Variants in TPMT observed in about 807,000 individuals in gnomAD.
TPMT encodes thiopurine S-methyltransferase, also known as S-adenosyl-L-methionine:thiopurine S-methyltransferase.
Under a neutral mutation model 34.2 loss-of-function variants are expected in TPMT, and 18 were observed. The observed-to-expected ratio is 0.53, with a 90% CI of 0.36 to 0.78. The LOEUF is 0.78. Ranked by LOEUF, TPMT falls within the 30% of genes least tolerant of loss-of-function variation. The pLI, the probability that TPMT is intolerant of heterozygous loss-of-function variation, is 0.00. For synonymous variants in TPMT, 69 were observed against 92.4 expected (o/e 0.75, Z 1.45); for missense variants, 265 against 288.1 (o/e 0.92, Z 0.58).
At chr6:18,152,181 G>T (rs964966250) in intron 1 of TPMT, among the ~76,000 whole-genome samples, 13 of 152,124 alleles carry the variant, frequency 8.5e-5, no homozygotes, top group Non-Finnish European at 1.8e-4. Context: ...CTGAGCATTT[G>T]GGGATTCTGT....
rs1427982310 is a variant in TPMT, at chr6:18,128,538, G to C, written c.*2130C>G. The C allele has an allele frequency of 6.6e-6, 1 of 152,116 alleles. No individual in the cohort carries two copies. The highest frequency in any genetic ancestry group is 1.5e-5 in the Non-Finnish European group (1 of 68,040). 9.4% of individuals were successfully genotyped at this position (152,116 alleles called of 1,614,324 possible). A position where few individuals can be genotyped will look rare whatever the true frequency, so the allele number is the denominator to read the frequency against. On this transcript the variant is annotated 3_prime_UTR_variant, in exon 9 of 9. Coordinates refer to ENST00000309983, the MANE Select transcript of TPMT (RefSeq NM_000367.5). The surrounding 1 kb of genome is among the most constrained non-coding windows in gnomAD (Gnocchi z 4.6). Reference sequence around the variant, plus strand: ...AGGGTGTTTCTCCCCACCCTGGGCAGCTGGGCTTCAGGGAGGATGAAAATG... The same window carrying C: ...AGGGTGTTTCTCCCCACCCTGGGCACCTGGGCTTCAGGGAGGATGAAAATG...
At chr6:18,133,914 T>C (rs759894367) in intron 6 of TPMT, 25 bp from the exon 7 acceptor site, 10 of 1,600,240 alleles carry the variant, frequency 6.2e-6, no homozygotes, top group Non-Finnish European at 6.9e-6. Flanking sequence ...AGAAGGTATT[T>C]GTTACATTTC....
At position 18,128,575 on chromosome 6, in the gene TPMT, C is replaced by T. The variant is rs1783869898; in HGVS notation, c.*2093G>A. 6.6e-6 allele frequency: 1 copy of T among 152,286 alleles called. No individual in the cohort carries two copies. Among genetic ancestry groups the T allele is most frequent in the Admixed American group, 6.5e-5 (1 of 15,276 alleles). The allele number at this position is 152,286 out of a possible 1,614,324, so 9.4% of individuals were successfully genotyped here. The stretch of plus-strand genomic sequence containing the variant: ...GGAGGATGAAAATGGACCCAGGACG[C>T]AGGTGGCCTCTCTTTGGTTCTCATC... On this transcript the variant is annotated 3_prime_UTR_variant, in exon 9 of 9. Coordinates refer to ENST00000309983, the MANE Select transcript of TPMT (RefSeq NM_000367.5). The surrounding 1 kb of genome is among the most constrained non-coding windows in gnomAD (Gnocchi z 4.6).
At position 18,130,366 on chromosome 6, in the gene TPMT, A is replaced by ATT; in HGVS notation, c.*300_*301dup. 3.7e-6 allele frequency: 1 copy of ATT among 269,076 alleles called. No homozygotes were observed. The allele number at this position is 269,076 out of a possible 1,614,324, so 16.7% of individuals were successfully genotyped here. ...CATTGCATTTTGAAATATTTTTTTA[A>ATT]TTGTACAGGTAACACATGCTGATTG... On this transcript the variant is annotated 3_prime_UTR_variant, in exon 9 of 9. Transcript: ENST00000309983. The surrounding 1 kb of genome is among the most constrained non-coding windows in gnomAD (Gnocchi z 4.2).
Position 18,130,609 on chromosome 6 carries a change from G to T in TPMT, c.*59C>A. The T allele has an allele frequency of 1.8e-6, 2 of 1,124,638 alleles. No homozygotes were observed. The highest frequency in any genetic ancestry group is 2.7e-6 in the Non-Finnish European group (2 of 740,388). The allele number at this position is 1,124,638 out of a possible 1,614,324, so 69.7% of individuals were successfully genotyped here. A position where few individuals can be genotyped will look rare whatever the true frequency, so the allele number is the denominator to read the frequency against. ...TCATCCATTACATTTTCAGGCTTTAGCATAATTTTCAATTCCTCAAAAACA... is the reference window on the plus strand; with the variant it reads ...TCATCCATTACATTTTCAGGCTTTATCATAATTTTCAATTCCTCAAAAACA... On this transcript the variant is annotated 3_prime_UTR_variant, in exon 9 of 9. Transcript: ENST00000309983. The surrounding 1 kb of genome is among the most constrained non-coding windows in gnomAD (Gnocchi z 4.2).
Position 18,138,895 on chromosome 6 carries a change from A to G in TPMT, c.494+68T>C. 7.5e-7 allele frequency: 1 copy of G among 1,331,588 alleles called. No homozygotes were observed. Among genetic ancestry groups the G allele is most frequent in the South Asian group, 1.2e-5 (1 of 81,126 alleles). The allele number at this position is 1,331,588 out of a possible 1,614,324, so 82.5% of individuals were successfully genotyped here. A position where few individuals can be genotyped will look rare whatever the true frequency, so the allele number is the denominator to read the frequency against. ...TCATAGAAGTCTAAGCTGATTTTCTAGAACCCAGAAAAAGTATAGTATACT... is the reference window on the plus strand; with the variant it reads ...TCATAGAAGTCTAAGCTGATTTTCTGGAACCCAGAAAAAGTATAGTATACT... On this transcript the variant is annotated intron_variant, in intron 6 of 8. Transcript: ENST00000309983. The surrounding 1 kb of genome is among the most constrained non-coding windows in gnomAD (Gnocchi z 4.1).
Position 18,136,553 on chromosome 6 carries a change from T to TA in TPMT, c.494+2409dup, listed in dbSNP as rs1361541953. Among the ~76,000 whole-genome samples the TA allele has an allele frequency of 2.0e-5, 3 of 152,224 alleles. No individual in the cohort carries two copies. In the East Asian group the frequency reaches 5.8e-4, roughly 29 times the overall value. Reference sequence around the variant, plus strand: ...AGCCAGGCGTGGTGGCTTACACCTCTAATCCCAGCACCGGGTGGCCGAGGC... The same window carrying TA: ...AGCCAGGCGTGGTGGCTTACACCTCTAAATCCCAGCACCGGGTGGCCGAGGC... On this transcript the variant is annotated intron_variant, in intron 6 of 8. Coordinates refer to ENST00000309983, the MANE Select transcript of TPMT (RefSeq NM_000367.5). This position sits in a 1 kb window ranked among gnomAD's most constrained non-coding sequence, Gnocchi z 4.7.
In TPMT at chr6:18,140,938, C is replaced by T. The variant is rs778736730; in HGVS notation, c.367-1221G>A. Among the ~76,000 whole-genome samples the T allele has an allele frequency of 2.6e-5, 4 of 152,204 alleles. No homozygotes were observed. In the South Asian group the frequency reaches 6.2e-4, roughly 24 times the overall value. ...GAAATGAGGTCCCCACACAGGTTTA[C>T]AAGTAGAGGAGGAAGGGTCTTTGAC... On this transcript the variant is annotated intron_variant, in intron 4 of 8. Transcript: ENST00000309983. This position sits in a 1 kb window ranked among gnomAD's most constrained non-coding sequence, Gnocchi z 4.7.
Position 18,145,505 on chromosome 6 carries a change from C to CTA in TPMT, c.234-1778_234-1777insTA, listed in dbSNP as rs1784232379. ...AAATTTATTTCATGCTCAAATTTTT[C>CTA]CCTAATATATCAATTGAGTTAGAAT... is the stretch of plus-strand genomic sequence containing the variant. On this transcript the variant is annotated intron_variant, in intron 3 of 8. Coordinates refer to ENST00000309983, the MANE Select transcript of TPMT (RefSeq NM_000367.5). This position sits in a 1 kb window ranked among gnomAD's most constrained non-coding sequence, Gnocchi z 5.6. Among the ~76,000 whole-genome samples, 4 of 152,122 alleles carry CTA rather than the reference C, an allele frequency of 2.6e-5. No individual in the cohort carries two copies. Among genetic ancestry groups the CTA allele is most frequent in the Admixed American group, 2.6e-4 (4 of 15,264 alleles).
rs1186877756 is a variant in TPMT at position 18,153,909 on chromosome 6, A to G, written c.-45+1124T>C. On this transcript the variant is annotated intron_variant, in intron 1 of 8. Coordinates refer to ENST00000309983, the MANE Select transcript of TPMT (RefSeq NM_000367.5). This position sits in a 1 kb window ranked among gnomAD's most constrained non-coding sequence, Gnocchi z 4.2. ...TGAACTGTCTAACAAAATCATGCAC[A>G]TAACTTAATCATGTCTTAGTTGTTT... Among the ~76,000 whole-genome samples, 2 of 152,210 alleles carry G rather than the reference A, an allele frequency of 1.3e-5. No individual in the cohort carries two copies. The highest frequency in any genetic ancestry group is 2.9e-5 in the Non-Finnish European group (2 of 68,036).
chr6:18,149,487 G>A lies in TPMT; in HGVS notation c.-44-316C>T, dbSNP rs961473794. On this transcript the variant is annotated intron_variant, in intron 1 of 8. Transcript: ENST00000309983. This position sits in a 1 kb window ranked among gnomAD's most constrained non-coding sequence, Gnocchi z 5.0. Reference sequence around the variant, plus strand: ...TCTTTCCTTGTTTTTTTTTTTTTCAGAGACAAGGTCTTGCTCTGTCACCCA... The same window carrying A: ...TCTTTCCTTGTTTTTTTTTTTTTCAAAGACAAGGTCTTGCTCTGTCACCCA... Among the ~76,000 whole-genome samples the A allele has an allele frequency of 6.8e-5, 10 of 148,088 alleles. No homozygotes were observed. The highest frequency in any genetic ancestry group is 1.2e-4 in the Non-Finnish European group (8 of 67,252).
rs1356501212 is a variant in TPMT, at chr6:18,131,481, G to A, written c.625+652C>T. 6.6e-6 allele frequency among the ~76,000 whole-genome samples: 1 copy of A among 152,090 alleles called. No homozygotes were observed. Among genetic ancestry groups the A allele is most frequent in the African/African-American group, 2.4e-5 (1 of 41,424 alleles). On this transcript the variant is annotated intron_variant, in intron 8 of 8. Transcript: ENST00000309983. This position sits in a 1 kb window ranked among gnomAD's most constrained non-coding sequence, Gnocchi z 4.3. The stretch of plus-strand genomic sequence containing the variant: ...TCTGGTCCCAGAAACTTGGGAGGCT[G>A]AGGTGGGAGGATCACTTGTGCCCAG...
rs1784422559 is a variant in TPMT at position 18,154,147 on chromosome 6, G to T, written c.-45+886C>A. Among the ~76,000 whole-genome samples the T allele has an allele frequency of 6.6e-6, 1 of 152,006 alleles. No homozygotes were observed. Among genetic ancestry groups the T allele is most frequent in the Admixed American group, 6.6e-5 (1 of 15,258 alleles). ...TACCCAGGCTGGTCTCAAACTCCTG[G>T]GCTCAACGTCTTAGCTGTTCTAACA... On this transcript the variant is annotated intron_variant, in intron 1 of 8. Coordinates refer to ENST00000309983, the MANE Select transcript of TPMT (RefSeq NM_000367.5). The surrounding 1 kb of genome is among the most constrained non-coding windows in gnomAD (Gnocchi z 4.2).
rs1378868307 is a variant in TPMT at position 18,148,221 on chromosome 6, G to C, written c.141-306C>G. ...TATTTTGGGGGTGATGGAGCCTCTG[G>C]AGCCATGGATTTTTCAACATTAATT... On this transcript the variant is annotated intron_variant, in intron 2 of 8. Coordinates refer to ENST00000309983, the MANE Select transcript of TPMT (RefSeq NM_000367.5). The surrounding 1 kb of genome is among the most constrained non-coding windows in gnomAD (Gnocchi z 4.1). Among the ~76,000 whole-genome samples the C allele has an allele frequency of 6.6e-6, 1 of 152,050 alleles. No homozygotes were observed.
rs1783911057 is a variant in TPMT, at chr6:18,130,112, T to G, written c.*556A>C. Reference sequence around the variant, plus strand: ...CAGCCTGACCAACATGGTGAAACCCTGTCTCTACTAAAAATACAAAAAATT... The same window carrying G: ...CAGCCTGACCAACATGGTGAAACCCGGTCTCTACTAAAAATACAAAAAATT... On this transcript the variant is annotated 3_prime_UTR_variant, in exon 9 of 9. Coordinates refer to ENST00000309983, the MANE Select transcript of TPMT (RefSeq NM_000367.5). This position sits in a 1 kb window ranked among gnomAD's most constrained non-coding sequence, Gnocchi z 4.2. 6.5e-6 allele frequency: 1 copy of G among 154,726 alleles called. No homozygotes were observed. Among genetic ancestry groups the G allele is most frequent in the East Asian group, 1.9e-4 (1 of 5,252 alleles). The allele number at this position is 154,726 out of a possible 1,614,324, so 9.6% of individuals were successfully genotyped here. A position where few individuals can be genotyped will look rare whatever the true frequency, so the allele number is the denominator to read the frequency against.
In TPMT at chr6:18,152,514, T is replaced by C. The variant is rs369536963; in HGVS notation, c.-45+2519A>G. Among the ~76,000 whole-genome samples, 5 of 152,206 alleles carry C rather than the reference T, an allele frequency of 3.3e-5. No homozygotes were observed. In the East Asian group the frequency reaches 7.7e-4, roughly 23 times the overall value. On this transcript the variant is annotated intron_variant, in intron 1 of 8. Transcript: ENST00000309983. Reference sequence around the variant, plus strand: ...ACACTAAGGAAACTGAAAAAAGACATGTACAATGTAAACTAACAATAAAAT... The same window carrying C: ...ACACTAAGGAAACTGAAAAAAGACACGTACAATGTAAACTAACAATAAAAT...
rs902532327 is a variant in TPMT, at chr6:18,148,275, A to G, written c.141-360T>C. ...TGGTACGTTCTCTAAACGTGTACTC[A>G]AGCCTCGGAAGTAAACCTGAGAAGT... On this transcript the variant is annotated intron_variant, in intron 2 of 8. Coordinates refer to ENST00000309983, the MANE Select transcript of TPMT (RefSeq NM_000367.5). This position sits in a 1 kb window ranked among gnomAD's most constrained non-coding sequence, Gnocchi z 4.1. 6.6e-6 allele frequency among the ~76,000 whole-genome samples: 1 copy of G among 152,140 alleles called. No homozygotes were observed. Among genetic ancestry groups the G allele is most frequent in the East Asian group, 1.9e-4 (1 of 5,194 alleles).
At chr6:18,141,087 G>A (rs1307195516) in intron 4 of TPMT, among the ~76,000 whole-genome samples, 2 of 152,136 alleles carry the variant, frequency 1.3e-5, no homozygotes, top group Non-Finnish European at 2.9e-5. Context: ...TGATGCCAGG[G>A]CCCTACCCCT....
rs11341076 is a variant in TPMT at position 18,138,264 on chromosome 6, G to GTT, written c.494+697_494+698dup. On this transcript the variant is annotated intron_variant, in intron 6 of 8. Coordinates refer to ENST00000309983, the MANE Select transcript of TPMT (RefSeq NM_000367.5). The surrounding 1 kb of genome is among the most constrained non-coding windows in gnomAD (Gnocchi z 4.1). ...CCACATGAAATATTTTGATTTTTTTGTTTTTTTTTTTTTTTAAATATTTTA... is the reference window on the plus strand; with the variant it reads ...CCACATGAAATATTTTGATTTTTTTGTTTTTTTTTTTTTTTTTAAATATTTTA... Among the ~76,000 whole-genome samples, 1 of 140,548 alleles carries GTT rather than the reference G, an allele frequency of 7.1e-6. No homozygotes were observed. The highest frequency in any genetic ancestry group is 1.5e-5 in the Non-Finnish European group (1 of 65,288). 92.2% of individuals were successfully genotyped at this position (140,548 alleles called of 152,430 possible).
Sources: allele counts gnomAD v4.1 joint callset (sites outside exome capture counted in the v4.1 genomes callset), GRCh38; gene constraint gnomAD v4.1.1; non-coding constraint Gnocchi (gnomAD v3.1); transcripts MANE v1.5; gene names NCBI Gene and HGNC (gene_info 2026-07-23, HGNC 2026-07-21).